Variants in GPN3 observed in about 807,000 individuals in gnomAD.
GPN3 encodes the protein GPN-loop GTPase 3, also known as ATP-binding domain 1 family member C.
In GPN3, 31 loss-of-function variants were observed where a neutral mutation model predicts 38.7. The observed-to-expected ratio is 0.80, with a 90% CI of 0.60 to 1.08. The LOEUF (loss-of-function observed/expected upper bound fraction) is 1.08, where lower values mean the gene tolerates loss of function less well. GPN3 is among the 50% of genes least tolerant of loss of function. GPN3 has a pLI of 0.00. For synonymous variants in GPN3, 116 were observed against 120.2 expected (o/e 0.96, Z 0.23); for missense variants, 301 against 354.4 (o/e 0.85, Z 1.21).
chr12:110,453,641 C>T, intron 7 of GPN3, 102 bp downstream of exon 7: 2 of 896,236 alleles, frequency 2.2e-6, no homozygotes, highest in East Asian at 4.9e-5. Flanking sequence ...ATCAATAAGA[C>T]AAAAAACTAA....
At chr12:110,457,848 T>C (rs571824578) in intron 3 of GPN3, among the ~76,000 whole-genome samples, 1 of 152,116 alleles carries the variant, frequency 6.6e-6, no homozygotes, top group African/African-American at 2.4e-5. Flanking sequence ...GGTTCTCTGG[T>C]TGGGCAGGGT....
upstream of GPN3, chr12:110,468,604 G>A (rs1437399815): frequency 6.5e-7 from 1 of 1,537,086 alleles, no homozygotes; most frequent in African/African-American, 1.4e-5. Flanking sequence ...CTGGAATACT[G>A]AAGTGGAAGG....
intron 4 of GPN3, 90 bp from the exon 5 acceptor site, chr12:110,456,020 C>A: frequency 1.4e-6 from 1 of 712,160 alleles, no homozygotes; most frequent in Non-Finnish European, 2.5e-6. Flanking sequence ...CTCACTGGAA[C>A]AGAACTGGCC....
intron 2 of GPN3, 94 bp downstream of exon 2, chr12:110,465,012 C>A: frequency 1.3e-6 from 1 of 759,414 alleles, no homozygotes; most frequent in African/African-American, 1.7e-5. Flanking sequence ...GGGATCCAGA[C>A]TATAATAAGT....
chr12:110,465,636 A>G (rs1383401890), intron 1 of GPN3, among the ~76,000 whole-genome samples: 2 of 152,222 alleles, frequency 1.3e-5, no homozygotes, highest in Non-Finnish European at 2.9e-5. Flanking sequence ...AGATATGAGT[A>G]TATGAGAAGG....
At chr12:110,465,547 A>T (rs2062621405) in intron 1 of GPN3, among the ~76,000 whole-genome samples, 1 of 152,172 alleles carries the variant, frequency 6.6e-6, no homozygotes, top group South Asian at 2.1e-4. Context: ...AACACCTAAC[A>T]CAGTGTCTCT....
chr12:110,455,708 A>G (rs1240882576), intron 5 of GPN3, 26 bp from the exon 6 acceptor site: 1 of 1,063,506 alleles, frequency 9.4e-7, no homozygotes, highest in Non-Finnish European at 1.5e-6. Context: ...AGACTGATGA[A>G]TTCAGGAGAC....
chr12:110,468,620 C>T, upstream of GPN3: 4 of 1,537,264 alleles, frequency 2.6e-6, no homozygotes, highest in Admixed American at 2.0e-5. Flanking sequence ...GAAGGCACCT[C>T]TTGTTTTGGG....
intron 6 of GPN3, 41 bp downstream of exon 6, chr12:110,455,545 C>T: frequency 1.2e-6 from 1 of 808,430 alleles, no homozygotes; most frequent in Non-Finnish European, 2.2e-6. Context: ...CAGGCATTAG[C>T]CACTGCACCT....
At position 110,465,115 on chromosome 12, in the gene GPN3, C is replaced by G. The variant is rs146465651; in HGVS notation, c.148G>C (p.Val50Leu). The part of the protein sequence containing the change: ...DPAAEHFNYS[V>L]MADIRELIEV... The stretch of plus-strand genomic sequence containing the variant: ...TTTGCTCAGGACTTACCAGCCATCA[C>G]GGAGTAGTTGAAGTGTTCTGCTGCT... The change falls in exon 2 of 8, where the codon GTG (valine) becomes CTG (leucine). Residue 50 changes from valine to leucine, a missense_variant. Coordinates refer to ENST00000228827, the MANE Select transcript of GPN3 (RefSeq NM_016301.4). The G allele has an allele frequency of 3.3e-4, 516 of 1,574,818 alleles. 3 individuals carry two copies. The African/African-American group carries it at 6.1e-3, about 19-fold the overall frequency.
intron 2 of GPN3, among the ~76,000 whole-genome samples, chr12:110,461,760 G>A: frequency 6.6e-6 from 1 of 152,176 alleles, no homozygotes; most frequent in East Asian, 1.9e-4. Context: ...TTCATTCACA[G>A]TCACATTTAT....
At position 110,465,165 on chromosome 12, in the gene GPN3, G is replaced by T. The variant is rs769091440; in HGVS notation, c.98C>A (p.Ser33Tyr). ...TGGATCCAGGTTTACAACTTGGACA[G>T]ACCGGTTGAGGGCTTCACAGTGCTG... Reference protein sequence around the residue: ...MVQHCEALNRSVQVVNLDPAA... With the variant: ...MVQHCEALNRYVQVVNLDPAA... Residue 33 changes from serine to tyrosine, a missense_variant, in exon 2 of 8, where the codon TCT becomes TAT. Coordinates refer to ENST00000228827, the MANE Select transcript of GPN3 (RefSeq NM_016301.4). 3 of 1,612,152 alleles carry T rather than the reference G, an allele frequency of 1.9e-6. No homozygotes were observed. The highest frequency in any genetic ancestry group is 2.5e-6 in the Non-Finnish European group (3 of 1,178,156).
Position 110,457,644 on chromosome 12 carries a change from G to A in GPN3, c.326-10C>T. 6.4e-7 allele frequency: 1 copy of A among 1,574,354 alleles called. No homozygotes were observed. Among genetic ancestry groups the A allele is most frequent in the Non-Finnish European group, 8.6e-7 (1 of 1,160,950 alleles). ...TACAACTCAATCTGACCTACATGAA[G>A]AGTATTGCAAGAATTTTAGAAATAG... On this transcript the variant is annotated splice_polypyrimidine_tract_variant and intron_variant, in intron 3 of 7. Transcript: ENST00000228827.
intron 6 of GPN3, 92 bp from the exon 7 acceptor site, chr12:110,453,963 C>A: frequency 2.2e-6 from 2 of 902,692 alleles, no homozygotes; most frequent in Non-Finnish European, 1.7e-6. Context: ...ACCATTTGTA[C>A]TTCTGAATAA....
intron 3 of GPN3, 134 bp downstream of exon 3, chr12:110,459,561 T>G: frequency 1.4e-6 from 1 of 696,118 alleles, no homozygotes; most frequent in Non-Finnish European, 2.5e-6. Flanking sequence ...ACTTAGTAAG[T>G]GACAGCCATT....
At chr12:110,463,172 C>T (rs1002571925) in intron 2 of GPN3, among the ~76,000 whole-genome samples, 1 of 152,094 alleles carries the variant, frequency 6.6e-6, no homozygotes, top group Admixed American at 6.6e-5. Context: ...ATTATCCCAG[C>T]ACTTTCGGAA....
intron 2 of GPN3, among the ~76,000 whole-genome samples, chr12:110,460,799 T>A (rs1162552462): frequency 6.6e-6 from 1 of 152,156 alleles, no homozygotes; most frequent in Non-Finnish European, 1.5e-5. Context: ...GCCCCATCTC[T>A]ACTAAAAATA....
At chr12:110,460,748 T>C (rs1224737703) in intron 2 of GPN3, among the ~76,000 whole-genome samples, 2 of 152,126 alleles carry the variant, frequency 1.3e-5, no homozygotes, top group Non-Finnish European at 2.9e-5. Context: ...GGGGGGATCA[T>C]GAGATCAGGA....
chr12:110,468,478 A>C, upstream of GPN3: 1 of 1,537,166 alleles, frequency 6.5e-7, no homozygotes, highest in African/African-American at 1.4e-5. Flanking sequence ...ATACCTGAGT[A>C]ATAACGGACA....
Sources: allele counts gnomAD v4.1 joint callset (sites outside exome capture counted in the v4.1 genomes callset), GRCh38; gene constraint gnomAD v4.1.1; transcripts MANE v1.5; gene names NCBI Gene and HGNC (gene_info 2026-07-23, HGNC 2026-07-21).